Variants in ASPH observed in about 807,000 individuals in gnomAD.
ASPH encodes the protein aspartyl/asparaginyl beta-hydroxylase.
ASPH carries 100 observed loss-of-function variants against 118.4 expected under a neutral mutation model. The observed-to-expected ratio is 0.84, with a 90% confidence interval of 0.72 to 1.00. ASPH has a LOEUF of 1.00. Ranked by LOEUF, ASPH falls within the 50% of genes least tolerant of loss-of-function variation. ASPH has a pLI of 0.00. For missense variants in ASPH, 920 were observed against 919.5 expected, an observed-to-expected ratio of 1.00 and a Z score of -0.01; for synonymous variants, 315 against 325.6, an observed-to-expected ratio of 0.97 and a Z score of 0.35.
intron 1 of ASPH, among the ~76,000 whole-genome samples, chr8:61,710,320 C>T (rs1045838496): frequency 7.9e-5 from 12 of 152,270 alleles, no homozygotes; most frequent in African/African-American, 2.9e-4. Flanking sequence ...TCTATTGGAA[C>T]CAGAGAGCTC....
At chr8:61,513,686 A>G (rs2129616187) in intron 24 of ASPH, among the ~76,000 whole-genome samples, 1 of 152,274 alleles carries the variant, frequency 6.6e-6, no homozygotes, top group East Asian at 1.9e-4. Flanking sequence ...GCAAATTATT[A>G]TTATCAGCAG....
At chr8:61,550,349 G>A (rs1037686975) in intron 20 of ASPH, among the ~76,000 whole-genome samples, 1 of 152,008 alleles carries the variant, frequency 6.6e-6, no homozygotes, top group African/African-American at 2.4e-5. Context: ...AAGAGCCCCT[G>A]GGCCACATTT....
At chr8:61,579,932 AT>A (rs142173895) in intron 15 of ASPH, among the ~76,000 whole-genome samples, 44,889 of 111,246 alleles carry the variant, frequency 0.4, 10,171 homozygotes, top group Non-Finnish European at 0.54. Context: ...AAAAAAAAAA[AT>A]GGGAGAAATT....
intron 14 of ASPH, among the ~76,000 whole-genome samples, chr8:61,585,374 GC>G (rs1351794871): frequency 6.6e-6 from 1 of 152,174 alleles, no homozygotes; most frequent in African/African-American, 2.4e-5. Flanking sequence ...AGGGAAGGGG[GC>G]AAAGCGGGAG....
At chr8:61,646,073 T>A (rs1588588366) in intron 6 of ASPH, among the ~76,000 whole-genome samples, 1 of 152,128 alleles carries the variant, frequency 6.6e-6, no homozygotes, top group Non-Finnish European at 1.5e-5. Context: ...TGGTTCCAGC[T>A]ACTTGAGAGG....
chr8:61,677,684 A>G (rs1826039011), intron 3 of ASPH, among the ~76,000 whole-genome samples: 1 of 152,186 alleles, frequency 6.6e-6, no homozygotes, highest in African/African-American at 2.4e-5. Flanking sequence ...TGAATTTAGC[A>G]GCAGACAAAT....
At chr8:61,587,225 C>A (rs931501509) in intron 14 of ASPH, among the ~76,000 whole-genome samples, 5 of 152,174 alleles carry the variant, frequency 3.3e-5, no homozygotes, top group African/African-American at 1.2e-4. Context: ...AAGGCAGAGA[C>A]TGAAAAAACA....
intron 16 of ASPH, among the ~76,000 whole-genome samples, chr8:61,570,541 C>T (rs898884492): frequency 6.6e-6 from 1 of 152,142 alleles, no homozygotes; most frequent in Non-Finnish European, 1.5e-5. Context: ...GCCTTGTCCC[C>T]TCTCTGGTGC....
At chr8:61,588,808 A>G (rs886570224) in intron 14 of ASPH, among the ~76,000 whole-genome samples, 8 of 152,216 alleles carry the variant, frequency 5.3e-5, no homozygotes, top group Non-Finnish European at 2.9e-5. Flanking sequence ...GACGTACACA[A>G]AGACTTGCAT....
Position 61,560,621 on chromosome 8 carries a change from T to C in ASPH, c.1437+2123A>G, listed in dbSNP as rs190968747. ...ATTCATGCTTTAAAAAAAAAACTCA[T>C]TCAATTGAATAATATCCTTATATTT... On this transcript the variant is annotated intron_variant, in intron 18 of 24. Transcript: ENST00000379454. Among the ~76,000 whole-genome samples the C allele has an allele frequency of 4.3e-3, 654 of 152,270 alleles. 2 individuals carry two copies. Among genetic ancestry groups the C allele is most frequent in the Non-Finnish European group, 7.4e-3 (500 of 68,022 alleles).
At chr8:61,540,857 C>T (rs554590372) in intron 21 of ASPH, among the ~76,000 whole-genome samples, 247 of 152,068 alleles carry the variant, frequency 1.6e-3, no homozygotes, top group African/African-American at 5.5e-3. Flanking sequence ...CTTTAGGAGG[C>T]GGAGGTGGGT....
At chr8:61,665,496 C>T (rs777470929) in intron 3 of ASPH, 27 of 1,565,512 alleles carry the variant, frequency 1.7e-5, no homozygotes, top group Non-Finnish European at 2.2e-5. Flanking sequence ...ATTTTCTTAT[C>T]CTTTCGGACA....
At position 61,543,173 on chromosome 8, in the gene ASPH, C is replaced by A. The variant is rs947671817; in HGVS notation, c.1764+4898G>T. Among the ~76,000 whole-genome samples, 4 of 152,022 alleles carry A rather than the reference C, an allele frequency of 2.6e-5. No homozygotes were observed. In the East Asian group the frequency reaches 5.8e-4, roughly 22 times the overall value. On this transcript the variant is annotated intron_variant, in intron 21 of 24. Coordinates refer to ENST00000379454, the MANE Select transcript of ASPH (RefSeq NM_004318.4). ...AGATGTGTAGATTAATGCTTTTTAT[C>A]TAATCTGGAGGATTTCTGGCCATTA...
At chr8:61,593,119 T>C (rs1841618382) in intron 14 of ASPH, among the ~76,000 whole-genome samples, 1 of 152,182 alleles carries the variant, frequency 6.6e-6, no homozygotes, top group Admixed American at 6.5e-5. Flanking sequence ...GGGTCTGAAA[T>C]AAATCTGCTC....
rs554194120 is a variant in ASPH, at chr8:61,547,943, A to G, written c.1764+128T>C. The G allele has an allele frequency of 4.6e-6, 6 of 1,291,312 alleles. No individual in the cohort carries two copies. In the East Asian group the frequency reaches 1.2e-4, roughly 26 times the overall value. The allele number at this position is 1,291,312 out of a possible 1,614,324, so 80.0% of individuals were successfully genotyped here. ...GAGATGACAATTCTTTTTCCATTAT[A>G]TTTTGCAAATGTCACTAGAAATAAA... On this transcript the variant is annotated intron_variant, in intron 21 of 24. Transcript: ENST00000379454.
intron 24 of ASPH, among the ~76,000 whole-genome samples, chr8:61,504,541 C>T (rs1476498750): frequency 6.6e-6 from 1 of 152,110 alleles, no homozygotes; most frequent in Non-Finnish European, 1.5e-5. Flanking sequence ...ATAAACTGAG[C>T]AATACTACAT....
intron 14 of ASPH, among the ~76,000 whole-genome samples, chr8:61,605,517 G>C (rs1355200120): frequency 6.6e-6 from 1 of 152,168 alleles, no homozygotes; most frequent in Non-Finnish European, 1.5e-5. Context: ...AATTGGTAAA[G>C]CTGATTAACA....
intron 3 of ASPH, among the ~76,000 whole-genome samples, chr8:61,666,119 G>GA (rs1452585014): frequency 6.6e-6 from 1 of 152,074 alleles, no homozygotes; most frequent in East Asian, 1.9e-4. Context: ...AGTTAACTAG[G>GA]AAAAAATTGT....
At chr8:61,589,247 C>G (rs899413045) in intron 14 of ASPH, among the ~76,000 whole-genome samples, 32 of 152,142 alleles carry the variant, frequency 2.1e-4, no homozygotes, top group African/African-American at 7.5e-4. Context: ...TATGTAAATT[C>G]CTTCTTAATG....
Sources: gnomAD v4.1 joint callset for allele counts (sites outside exome capture counted in the v4.1 genomes callset) on GRCh38, gnomAD v4.1.1 for gene constraint, MANE v1.5 for transcripts, NCBI Gene and HGNC (gene_info 2026-07-23, HGNC 2026-07-21) for gene names.